MECOM: variants seen among roughly 807,000 people sequenced by gnomAD.
MECOM encodes the protein histone-lysine N-methyltransferase MECOM.
MECOM carries 13 observed loss-of-function variants against 116.3 expected under a neutral mutation model. The observed-to-expected ratio is 0.11, with a 90% CI of 0.07 to 0.18. The LOEUF is 0.18. Ranked by LOEUF, MECOM falls within the 10% of genes least tolerant of loss-of-function variation. The probability of loss-of-function intolerance (pLI) is 1.00; values close to 1 mark genes in which losing one functional copy is unlikely to be tolerated. For synonymous variants in MECOM, 528 were observed against 535.2 expected, an observed-to-expected ratio of 0.99 and a Z score of 0.19; for missense variants, 1,299 against 1,509.0, an observed-to-expected ratio of 0.86 and a Z score of 2.31.
At chr3:169,191,855 C>T (rs1747744830) in intron 2 of MECOM, among the ~76,000 whole-genome samples, 1 of 151,928 alleles carries the variant, frequency 6.6e-6, no homozygotes, top group Non-Finnish European at 1.5e-5. Flanking sequence ...GGTAAAAACA[C>T]TAAAATCTGA....
In MECOM at chr3:169,412,865, G is replaced by T. The variant is rs921484484; in HGVS notation, c.38-31341C>A. ...TGGGTTACAGCTTTTCTCTTCAAAA[G>T]TTTAAACTGTTCAGTTCAGTGACTG... On this transcript the variant is annotated intron_variant, in intron 1 of 16. Coordinates refer to ENST00000651503, the MANE Select transcript of MECOM (RefSeq NM_004991.4). 6.6e-5 allele frequency among the ~76,000 whole-genome samples: 10 copies of T among 152,268 alleles called. No homozygotes were observed. In the East Asian group the frequency reaches 1.9e-3, roughly 29 times the overall value.
intron 2 of MECOM, among the ~76,000 whole-genome samples, chr3:169,329,497 G>T (rs1401305586): frequency 1.3e-5 from 2 of 152,170 alleles, no homozygotes; most frequent in Admixed American, 1.3e-4. Flanking sequence ...GAACCATTGA[G>T]CATCCTTTTC....
chr3:169,633,704 G>A (rs1388293989), intron 1 of MECOM, among the ~76,000 whole-genome samples: 1 of 152,058 alleles, frequency 6.6e-6, no homozygotes, highest in Non-Finnish European at 1.5e-5. Flanking sequence ...CTTGTGCAGT[G>A]ATCTGGTCTC....
chr3:169,145,191 G>C lies in MECOM; in HGVS notation c.376-1359C>G, dbSNP rs1844068. 6.2e-3 allele frequency: 442 copies of C among 71,124 alleles called. 7 individuals are homozygous for C. The African/African-American group carries it at 0.11, about 18-fold the overall frequency. 4.4% of individuals were successfully genotyped at this position (71,124 alleles called of 1,614,324 possible). On this transcript the variant is annotated intron_variant, in intron 2 of 16. Coordinates refer to ENST00000651503, the MANE Select transcript of MECOM (RefSeq NM_004991.4). Reference sequence around the variant, plus strand: ...ACACACACACACACACACACACACAGAGAGAAATCAAACTCTTCTTTTTCA... The same window carrying C: ...ACACACACACACACACACACACACACAGAGAAATCAAACTCTTCTTTTTCA...
chr3:169,322,495 A>G (rs1183225925), intron 2 of MECOM, among the ~76,000 whole-genome samples: 1 of 152,212 alleles, frequency 6.6e-6, no homozygotes, highest in Non-Finnish European at 1.5e-5. Context: ...TAAAAATCAC[A>G]TGAAAACTTT....
At chr3:169,479,585 C>G (rs1483521826) in intron 1 of MECOM, among the ~76,000 whole-genome samples, 1 of 148,656 alleles carries the variant, frequency 6.7e-6, no homozygotes, top group Admixed American at 6.8e-5. Context: ...CAGATATCAG[C>G]CAATGTGTCT....
intron 2 of MECOM, among the ~76,000 whole-genome samples, chr3:169,326,123 G>T (rs1036931311): frequency 1.3e-5 from 2 of 152,180 alleles, no homozygotes; most frequent in African/African-American, 4.8e-5. Flanking sequence ...AAAGCTCAAG[G>T]AAGCCTCTCG....
intron 2 of MECOM, among the ~76,000 whole-genome samples, chr3:169,314,141 T>G (rs1719313424): frequency 6.6e-6 from 1 of 152,232 alleles, no homozygotes; most frequent in Admixed American, 6.5e-5. Flanking sequence ...CCTTGTCTTC[T>G]TCACAAGGTC....
intron 1 of MECOM, among the ~76,000 whole-genome samples, chr3:169,609,818 C>A (rs1314110199): frequency 1.3e-5 from 2 of 152,164 alleles, no homozygotes; most frequent in African/African-American, 4.8e-5. Flanking sequence ...GGTTTCCAAG[C>A]TAGCCTATGA....
chr3:169,381,486 A>G lies in MECOM; in HGVS notation c.76T>C (p.Leu26=), dbSNP rs1454615158. The change falls in exon 2 of 17, where the codon TTG becomes CTG. Residue 26 remains leucine, a synonymous_variant. Transcript: ENST00000651503. ...CVYGNYPEIP[L]EEMPDADGVA... The stretch of plus-strand genomic sequence containing the variant: ...CCATCTGCATCTGGCATTTCTTCCA[A>G]AGGTATTTCAGGGTAGTTGCCATAT... 1.2e-6 allele frequency: 2 copies of G among 1,612,766 alleles called. No homozygotes were observed. Among genetic ancestry groups the G allele is most frequent in the South Asian group, 2.2e-5 (2 of 90,962 alleles).
chr3:169,536,790 A>T (rs1265746975), intron 1 of MECOM, among the ~76,000 whole-genome samples: 1 of 152,198 alleles, frequency 6.6e-6, no homozygotes, highest in African/African-American at 2.4e-5. Context: ...GGATAATGAC[A>T]ATAAATAGTA....
At chr3:169,177,011 G>C (rs952910980) in intron 2 of MECOM, among the ~76,000 whole-genome samples, 5 of 152,170 alleles carry the variant, frequency 3.3e-5, no homozygotes, top group African/African-American at 1.2e-4. Context: ...CTTTTACACT[G>C]TTGGTGGAAA....
chr3:169,507,551 T>C (rs781032164), intron 1 of MECOM, among the ~76,000 whole-genome samples: 1 of 151,746 alleles, frequency 6.6e-6, no homozygotes, highest in Admixed American at 6.6e-5. Context: ...GAGGGTTTTA[T>C]AGGGTTTTCT....
intron 1 of MECOM, chr3:169,389,638 G>C (rs749794619): frequency 9.0e-5 from 87 of 963,054 alleles, no homozygotes; most frequent in Non-Finnish European, 1.0e-4. Flanking sequence ...GAGGAAAGTA[G>C]AACCGTCCTG....
At chr3:169,363,902 T>TC (rs1280930671) in intron 2 of MECOM, among the ~76,000 whole-genome samples, 1 of 152,114 alleles carries the variant, frequency 6.6e-6, no homozygotes, top group East Asian at 1.9e-4. Context: ...ATTTTGTTTC[T>TC]CCTCATTAAA....
intron 1 of MECOM, among the ~76,000 whole-genome samples, chr3:169,446,878 A>AG (rs1184654019): frequency 1.3e-5 from 2 of 152,186 alleles, no homozygotes; most frequent in African/African-American, 4.8e-5. Flanking sequence ...TGGCTTGTTC[A>AG]GGGGGTGCAC....
At chr3:169,157,554 C>A (rs958873614) in intron 2 of MECOM, among the ~76,000 whole-genome samples, 1 of 152,152 alleles carries the variant, frequency 6.6e-6, no homozygotes, top group African/African-American at 2.4e-5. Context: ...AATTAAAGTA[C>A]CAATACAATC....
intron 1 of MECOM, among the ~76,000 whole-genome samples, chr3:169,584,642 A>C (rs6774008): frequency 6.6e-6 from 1 of 151,514 alleles, no homozygotes; most frequent in African/African-American, 2.4e-5. Context: ...AAAGGAGGAC[A>C]CTTAGACTTG....
Position 169,127,794 on chromosome 3 carries a change from C to T in MECOM, c.830+50G>A, listed in dbSNP as rs201045527. 2.6e-6 allele frequency: 4 copies of T among 1,532,740 alleles called. No homozygotes were observed. The East Asian group carries it at 9.0e-5, about 35-fold the overall frequency. The allele number at this position is 1,532,740 out of a possible 1,614,324, so 94.9% of individuals were successfully genotyped here. A position where few individuals can be genotyped will look rare whatever the true frequency, so the allele number is the denominator to read the frequency against. ...CACAAAGCCTCAAAATTCAGCATAA[C>T]ATTGCAGAAAAAATACACAAGTTGT... On this transcript the variant is annotated intron_variant, in intron 5 of 16. Transcript: ENST00000651503.
Sources: allele counts gnomAD v4.1 joint callset (sites outside exome capture counted in the v4.1 genomes callset), GRCh38; gene constraint gnomAD v4.1.1; transcripts MANE v1.5; gene names NCBI Gene and HGNC (gene_info 2026-07-23, HGNC 2026-07-21).